The following ZNF248 variants were observed in gnomAD, a reference collection of about 807,000 sequenced individuals.
ZNF248 encodes KRAB protein domain.
A neutral mutation model predicts 44.3 loss-of-function variants in ZNF248; 20 were observed. The ratio of observed to expected loss-of-function variants is 0.45; its 90% CI spans 0.32 to 0.66. ZNF248 has a LOEUF of 0.66. Ranked by LOEUF, ZNF248 falls within the 30% of genes least tolerant of loss-of-function variation. The pLI, the probability that ZNF248 is intolerant of heterozygous loss-of-function variation, is 0.04. For missense variants in ZNF248, 654 were observed against 677.0 expected, an observed-to-expected ratio of 0.97 and a Z score of 0.38; for synonymous variants, 224 against 229.0, an observed-to-expected ratio of 0.98 and a Z score of 0.20.
chr10:37,857,792 C>T (rs1214957249), upstream of ZNF248: 1 of 152,474 alleles, frequency 6.6e-6, no homozygotes, highest in African/African-American at 2.4e-5. Context: ...CGCTGAGCGC[C>T]AGGCGCAGGG....
At chr10:37,841,254 C>T (rs1244065675) in intron 3 of ZNF248, among the ~76,000 whole-genome samples, 4 of 151,976 alleles carry the variant, frequency 2.6e-5, no homozygotes, top group African/African-American at 4.8e-5. Flanking sequence ...TGTTTTGATG[C>T]TTATTTGTTT....
At position 37,834,656 on chromosome 10, in the gene ZNF248, T is replaced by G. The variant is rs541766971; in HGVS notation, c.239-1540A>C. Among the ~76,000 whole-genome samples the G allele has an allele frequency of 4.7e-4, 72 of 152,298 alleles. 3 individuals carry two copies. The South Asian group carries it at 0.015, about 31-fold the overall frequency. On this transcript the variant is annotated intron_variant, in intron 5 of 5. Coordinates refer to ENST00000395867, the MANE Select transcript of ZNF248 (RefSeq NM_021045.3). The stretch of plus-strand genomic sequence containing the variant: ...GTCTAAGTTTTTGGCATACAGCCAC[T>G]GGTGAGTTAATGTCATAAAATCTGG...
chr10:37,774,823 G>A (rs1402790401), downstream of ZNF248, among the ~76,000 whole-genome samples: 1 of 151,920 alleles, frequency 6.6e-6, no homozygotes, highest in East Asian at 1.9e-4. Context: ...CTGTCATGCA[G>A]ACTCTGGAGT....
intron 6 of ZNF248, chr10:37,820,576 A>G: frequency 6.2e-7 from 1 of 1,600,066 alleles, no homozygotes; most frequent in Non-Finnish European, 8.6e-7. Flanking sequence ...TTCCCCCAGC[A>G]AACTCAAAGT....
intron 6 of ZNF248, among the ~76,000 whole-genome samples, chr10:37,776,984 A>G (rs1001092914): frequency 4.6e-5 from 7 of 152,198 alleles, no homozygotes; most frequent in Admixed American, 1.3e-4. Context: ...TTTTCAAAAT[A>G]CCTTATCAGC....
At chr10:37,826,115 A>G (rs1307453659), downstream of ZNF248, among the ~76,000 whole-genome samples, 3 of 152,202 alleles carry the variant, frequency 2.0e-5, no homozygotes, top group Non-Finnish European at 4.4e-5. Flanking sequence ...AAAAACTAAC[A>G]TGGAAAACTG....
In ZNF248 at chr10:37,820,345, T is replaced by G. The variant is rs1010637524; in HGVS notation, c.330+12680A>C. 7 of 1,405,098 alleles carry G rather than the reference T, an allele frequency of 5.0e-6. No homozygotes were observed. In the African/African-American group the frequency reaches 9.9e-5, roughly 20 times the overall value. 87.0% of individuals were successfully genotyped at this position (1,405,098 alleles called of 1,614,324 possible). On this transcript the variant is annotated intron_variant, in intron 6 of 6. Transcript: ENST00000615949. ...GAAGTGAAGCACAGGCCAGCTCCCC[T>G]TTGTGCCAGCTGCTCTGGGTCAAGC... is the stretch of plus-strand genomic sequence containing the variant.
At chr10:37,851,866 T>C (rs922903401) in intron 3 of ZNF248, among the ~76,000 whole-genome samples, 3 of 141,586 alleles carry the variant, frequency 2.1e-5, no homozygotes, top group African/African-American at 8.0e-5. Flanking sequence ...AGCGGAAATA[T>C]AAAATGGCAT....
rs1191557348 is a variant in ZNF248 at position 37,831,313 on chromosome 10, C to T, written c.*302G>A. The T allele has an allele frequency of 6.5e-7, 1 of 1,549,360 alleles. No individual in the cohort carries two copies. Among genetic ancestry groups the T allele is most frequent in the Non-Finnish European group, 8.7e-7 (1 of 1,146,164 alleles). ...CAACTTTTATAAGCTTCAGATTCCA[C>T]TGTGAATATGGGTATAAATAAATAT... On this transcript the variant is annotated 3_prime_UTR_variant, in exon 6 of 6. Transcript: ENST00000395867.
chr10:37,800,658 T>C (rs2049697219), intron 6 of ZNF248, among the ~76,000 whole-genome samples: 1 of 152,240 alleles, frequency 6.6e-6, no homozygotes, highest in Non-Finnish European at 1.5e-5. Flanking sequence ...CTAGGTAGAA[T>C]GGTAGTTCTG....
rs1363809800 is a variant in ZNF248 at position 37,833,054 on chromosome 10, A to C, written c.301T>G (p.Trp101Gly). 1 of 1,611,096 alleles carries C rather than the reference A, an allele frequency of 6.2e-7. No homozygotes were observed. Among genetic ancestry groups the C allele is most frequent in the Admixed American group, 1.7e-5 (1 of 59,220 alleles). ...TTGTTGTTGTGGAATAGAAGCTCCC[A>C]AAAATGGTCATCTTCATTTTCCTGG... ...SSQENEDDHF[W>G]ELLFHNNKTV... Residue 101 changes from tryptophan to glycine, a missense_variant, in exon 6 of 6, where the codon TGG (tryptophan) becomes GGG (glycine). By Grantham distance (184) the Trp-to-Gly change is radical. Transcript: ENST00000395867.
intron 3 of ZNF248, among the ~76,000 whole-genome samples, chr10:37,852,113 G>A (rs1475232249): frequency 6.6e-6 from 1 of 152,084 alleles, no homozygotes; most frequent in Non-Finnish European, 1.5e-5. Flanking sequence ...CGGGCGTGGT[G>A]GTGCATGCCT....
At chr10:37,805,000 T>G (rs2050360709) in intron 6 of ZNF248, among the ~76,000 whole-genome samples, 1 of 152,306 alleles carries the variant, frequency 6.6e-6, no homozygotes, top group African/African-American at 2.4e-5. Flanking sequence ...TGTGTTCCAC[T>G]CCTAAAAGAA....
chr10:37,760,189 T>C, the ZNF248 span, among the ~76,000 whole-genome samples: 2 of 152,074 alleles, frequency 1.3e-5, no homozygotes. Flanking sequence ...CAAAAATATA[T>C]GGGGGGAATA....
At position 37,830,190 on chromosome 10, in the gene ZNF248, C is replaced by T. The variant is rs1261463717; in HGVS notation, c.*1425G>A. ...CTTTTTGAGGAGTGCAGTGTTACTG[C>T]TTGTTAACCTTTGCATAATTTATGT... On this transcript the variant is annotated 3_prime_UTR_variant, in exon 6 of 6. Transcript: ENST00000395867. The T allele has an allele frequency of 6.1e-6, 6 of 985,244 alleles. No homozygotes were observed. In the Admixed American group the frequency reaches 3.7e-4, roughly 61 times the overall value. 61.0% of individuals were successfully genotyped at this position (985,244 alleles called of 1,614,324 possible). A position where few individuals can be genotyped will look rare whatever the true frequency, so the allele number is the denominator to read the frequency against.
At chr10:37,813,612 T>C (rs993066423) in intron 6 of ZNF248, among the ~76,000 whole-genome samples, 8 of 152,228 alleles carry the variant, frequency 5.3e-5, no homozygotes, top group Non-Finnish European at 1.0e-4. Context: ...TTTTTTTCTT[T>C]ACCTTACTTT....
chr10:37,801,075 T>A (rs896105912), intron 6 of ZNF248, among the ~76,000 whole-genome samples: 25 of 151,386 alleles, frequency 1.7e-4, no homozygotes, highest in East Asian at 6.0e-4. Context: ...ACAACATTTT[T>A]AAAAAAATAT....
chr10:37,819,870 C>T, intron 6 of ZNF248: 1 of 783,062 alleles, frequency 1.3e-6, no homozygotes, highest in Non-Finnish European at 2.4e-6. Context: ...GTGAATTTAT[C>T]CTTTTCTGAT....
rs2053136312 is a variant in ZNF248, at chr10:37,819,665, T to A, written c.330+13360A>T. ...CAGCTCTGCCTGGATCTCTGCTTCC[T>A]CCTTTTTAAGATGACCTAACCGGAG... On this transcript the variant is annotated intron_variant, in intron 6 of 6. Transcript: ENST00000615949. The A allele has an allele frequency of 1.1e-5, 9 of 800,130 alleles. No homozygotes were observed. The Admixed American group carries it at 1.5e-4, about 14-fold the overall frequency. 49.6% of individuals were successfully genotyped at this position (800,130 alleles called of 1,614,324 possible).
Sources: allele counts gnomAD v4.1 joint callset (sites outside exome capture counted in the v4.1 genomes callset), GRCh38; gene constraint gnomAD v4.1.1; transcripts MANE v1.5; gene names NCBI Gene and HGNC (gene_info 2026-07-23, HGNC 2026-07-21).